RIOX1: variants seen among roughly 807,000 people sequenced by gnomAD.
RIOX1 encodes ribosomal oxygenase 1.
Under a neutral mutation model 44.6 loss-of-function variants are expected in RIOX1, and 33 were observed. The ratio of observed to expected loss-of-function variants is 0.74; its 90% CI spans 0.56 to 0.99. The LOEUF (loss-of-function observed/expected upper bound fraction) is 0.99, where lower values mean the gene tolerates loss of function less well. RIOX1 is among the 50% of genes least tolerant of loss of function. The pLI, the probability that RIOX1 is intolerant of heterozygous loss-of-function variation, is 0.00. For synonymous variants in RIOX1, 387 were observed against 395.8 expected, an observed-to-expected ratio of 0.98 and a Z score of 0.26; for missense variants, 821 against 871.7, an observed-to-expected ratio of 0.94 and a Z score of 0.73.
At position 73,492,995 on chromosome 14, in the gene RIOX1, C is replaced by G; in HGVS notation, c.*52C>G. The G allele has an allele frequency of 6.6e-7, 1 of 1,516,088 alleles. No individual in the cohort carries two copies. Among genetic ancestry groups the G allele is most frequent in the Non-Finnish European group, 8.8e-7 (1 of 1,139,234 alleles). The allele number at this position is 1,516,088 out of a possible 1,614,324, so 93.9% of individuals were successfully genotyped here. Reference sequence around the variant, plus strand: ...CAGTAGTGATTCTCCGCTGCCACTGCTACCTTTTTTTTTTTTTTTTCCTTA... The same window carrying G: ...CAGTAGTGATTCTCCGCTGCCACTGGTACCTTTTTTTTTTTTTTTTCCTTA... On this transcript the variant is annotated 3_prime_UTR_variant, in exon 1 of 1. Coordinates refer to ENST00000304061, the MANE Select transcript of RIOX1 (RefSeq NM_024644.5). This position sits in a 1 kb window ranked among gnomAD's most constrained non-coding sequence, Gnocchi z 4.9.
At position 73,492,521 on chromosome 14, in the gene RIOX1, G is replaced by A; in HGVS notation, c.1504G>A (p.Ala502Thr). Residue 502 changes from alanine (A) to threonine (T), a missense_variant, in exon 1 of 1, where the codon GCC becomes ACC. Physicochemically the swap from Ala to Thr is moderately conservative, Grantham distance 58. Transcript: ENST00000304061. The surrounding 1 kb of genome is among the most constrained non-coding windows in gnomAD (Gnocchi z 4.9). ...APVDAVADQR[A>T]KDFIHDSLPP... ...TGTTGATGCTGTGGCCGACCAGCGAGCCAAAGACTTCATTCACGATTCTCT... is the reference window on the plus strand; with the variant it reads ...TGTTGATGCTGTGGCCGACCAGCGAACCAAAGACTTCATTCACGATTCTCT... The A allele has an allele frequency of 6.2e-7, 1 of 1,613,676 alleles. No homozygotes were observed. The highest frequency in any genetic ancestry group is 8.5e-7 in the Non-Finnish European group (1 of 1,179,764).
Position 73,493,345 on chromosome 14 carries a change from G to C in RIOX1, c.*402G>C. On this transcript the variant is annotated 3_prime_UTR_variant, in exon 1 of 1. Coordinates refer to ENST00000304061, the MANE Select transcript of RIOX1 (RefSeq NM_024644.5). ...CGGGGTCAGTATCCTGTTTGTTATT[G>C]TTAAATTTGTATGAACCTTAGAAAA... 3 of 498,008 alleles carry C rather than the reference G, an allele frequency of 6.0e-6. No homozygotes were observed. The South Asian group carries it at 1.0e-4, about 17-fold the overall frequency. 30.8% of individuals were successfully genotyped at this position (498,008 alleles called of 1,614,324 possible).
chr14:73,492,693 T>C lies in RIOX1; in HGVS notation c.1676T>C (p.Val559Ala), dbSNP rs764651514. The part of the protein sequence containing the change: ...HMLQDGIARL[V>A]GEGGHLFLYY... The stretch of plus-strand genomic sequence containing the variant: ...CTTCAGGATGGGATAGCTCGGCTGG[T>C]GGGTGAGGGGGGCCATTTGTTTCTC... Residue 559 changes from valine (V) to alanine (A), a missense_variant, in exon 1 of 1, where the codon GTG (valine) becomes GCG (alanine). Physicochemically the swap from Val to Ala is moderately conservative, Grantham distance 64. This residue lies in a region of RIOX1 where 267 missense variants were observed against 340.5 expected (regional missense o/e 0.78). Transcript: ENST00000304061. This position sits in a 1 kb window ranked among gnomAD's most constrained non-coding sequence, Gnocchi z 4.9. The C allele has an allele frequency of 6.2e-7, 1 of 1,613,662 alleles. No individual in the cohort carries two copies. The highest frequency in any genetic ancestry group is 8.5e-7 in the Non-Finnish European group (1 of 1,179,874).
rs1048831716 is a variant in RIOX1 at position 73,492,122 on chromosome 14, C to G, written c.1105C>G (p.Leu369Val). 6.2e-7 allele frequency: 1 copy of G among 1,613,966 alleles called. No homozygotes were observed. The highest frequency in any genetic ancestry group is 1.7e-5 in the Admixed American group (1 of 60,010). The change falls in exon 1 of 1, where the codon CTG becomes GTG. Residue 369 changes from leucine (L) to valine (V), a missense_variant. Transcript: ENST00000304061. The surrounding 1 kb of genome is among the most constrained non-coding windows in gnomAD (Gnocchi z 4.9). ...VYRPRVPTEE[L>V]ALTSSPNFSQ... ...CCGACCCCGAGTCCCAACCGAGGAA[C>G]TGGCTCTGACATCCAGCCCCAACTT...
In RIOX1 at chr14:73,492,596, C is replaced by T. The variant is rs1450062332; in HGVS notation, c.1579C>T (p.Pro527Ser). The change falls in exon 1 of 1, where the codon CCA (proline) becomes TCA (serine). Residue 527 changes from proline to serine, a missense_variant. By Grantham distance (74) the Pro-to-Ser change is moderately conservative. Coordinates refer to ENST00000304061, the MANE Select transcript of RIOX1 (RefSeq NM_024644.5). This position sits in a 1 kb window ranked among gnomAD's most constrained non-coding sequence, Gnocchi z 4.9. ...RERALSVYGL[P>S]IRWEAGEPVN... is the part of the protein sequence containing the mutation. ...GAGGGCACTAAGTGTTTACGGGCTT[C>T]CAATTCGCTGGGAGGCTGGAGAACC... 1 of 1,613,774 alleles carries T rather than the reference C, an allele frequency of 6.2e-7. No individual in the cohort carries two copies. Among genetic ancestry groups the T allele is most frequent in the African/African-American group, 1.3e-5 (1 of 74,892 alleles).
At position 73,490,993 on chromosome 14, in the gene RIOX1, C is replaced by G. The variant is rs759687004; in HGVS notation, c.-25C>G. ...TTAGCTTCGCCCCCGGCCGGCCGGG[C>G]GGGGAAGACTGGTGTGGTCTGGCCA... On this transcript the variant is annotated 5_prime_UTR_variant, in exon 1 of 1. Transcript: ENST00000304061. 35 of 1,348,052 alleles carry G rather than the reference C, an allele frequency of 2.6e-5. No homozygotes were observed. In the African/African-American group the frequency reaches 4.7e-4, roughly 18 times the overall value. The allele number at this position is 1,348,052 out of a possible 1,614,324, so 83.5% of individuals were successfully genotyped here.
rs752379440 is a variant in RIOX1, at chr14:73,491,065, G to A, written c.48G>A (p.Pro16=). Residue 16 remains proline, a synonymous_variant, in exon 1 of 1, where the codon CCG becomes CCA. Transcript: ENST00000304061. ...CAGGGCCGTTGAGGCGCGGGCGGCC[G>A]AAGCGCCGGCGCAAGCCCCAGCCAC... ...ASAGPLRRGR[P]KRRRKPQPHS... is the part of the protein sequence containing the mutation. 7.5e-6 allele frequency: 12 copies of A among 1,593,898 alleles called. No homozygotes were observed. The highest frequency in any genetic ancestry group is 1.4e-5 in the African/African-American group (1 of 73,596).
rs1404916402 is a variant in RIOX1, at chr14:73,492,032, C to G, written c.1015C>G (p.Pro339Ala). The G allele has an allele frequency of 3.7e-6, 6 of 1,613,882 alleles. No homozygotes were observed. The highest frequency in any genetic ancestry group is 5.1e-6 in the Non-Finnish European group (6 of 1,179,898). The change falls in exon 1 of 1, where the codon CCC (proline) becomes GCC (alanine). Residue 339 changes from proline to alanine, a missense_variant. By Grantham distance (27) the Pro-to-Ala change is conservative. Around this residue, in one of 2 missense-constraint regions of RIOX1, gnomAD observed 554 missense variants for 531.2 expected, o/e 1.04. Coordinates refer to ENST00000304061, the MANE Select transcript of RIOX1 (RefSeq NM_024644.5). This position sits in a 1 kb window ranked among gnomAD's most constrained non-coding sequence, Gnocchi z 4.9. ...GCCCCCTAACTCGCAGGGCTTTGCC[C>G]CCCACTACGACGACATCGAGGCCTT... ...LTPPNSQGFA[P>A]HYDDIEAFVL... is the part of the protein sequence containing the mutation.
chr14:73,491,108 G>A lies in RIOX1; in HGVS notation c.91G>A (p.Ala31Thr). ...CCAGCCACACAGCGGGTCGGTCCTG[G>A]CCCTGCCCTTGAGGTCCAGGAAGAT... Reference protein sequence around the residue: ...KPQPHSGSVLALPLRSRKIRK... With the variant: ...KPQPHSGSVLTLPLRSRKIRK... The change falls in exon 1 of 1, where the codon GCC becomes ACC. Residue 31 changes from alanine to threonine, a missense_variant. Ala to Thr is a moderately conservative substitution (Grantham distance 58, BLOSUM62 0). This residue lies in a region of RIOX1 where 554 missense variants were observed against 531.2 expected (regional missense o/e 1.04). Coordinates refer to ENST00000304061, the MANE Select transcript of RIOX1 (RefSeq NM_024644.5). 1 of 1,606,690 alleles carries A rather than the reference G, an allele frequency of 6.2e-7. No homozygotes were observed.
At position 73,491,679 on chromosome 14, in the gene RIOX1, G is replaced by A. The variant is rs1278932990; in HGVS notation, c.662G>A (p.Arg221His). 6.5e-7 allele frequency: 1 copy of A among 1,549,610 alleles called. No individual in the cohort carries two copies. The highest frequency in any genetic ancestry group is 2.0e-5 in the Admixed American group (1 of 50,992). The change falls in exon 1 of 1, where the codon CGC (arginine) becomes CAC (histidine). Residue 221 changes from arginine (R) to histidine (H), a missense_variant. Arg to His is a conservative substitution (Grantham distance 29, BLOSUM62 0). Transcript: ENST00000304061. ...APMPPDHFYR[R>H]LWEREAVLVR... ...ATGCCGCCAGATCACTTTTACCGGC[G>A]CCTATGGGAGCGCGAGGCGGTGCTG... is the stretch of plus-strand genomic sequence containing the variant.
chr14:73,492,699 AG>A lies in RIOX1; in HGVS notation c.1688del (p.Gly563AlafsTer44), dbSNP rs1566821256. On this transcript the variant is annotated frameshift_variant, in exon 1 of 1. Coordinates refer to ENST00000304061, the MANE Select transcript of RIOX1 (RefSeq NM_024644.5). LOFTEE classifies it high-confidence loss of function. The surrounding 1 kb of genome is among the most constrained non-coding windows in gnomAD (Gnocchi z 4.9). The stretch of plus-strand genomic sequence containing the variant: ...GATGGGATAGCTCGGCTGGTGGGTG[AG>A]GGGGGCCATTTGTTTCTCTATTACA... ...LQDGIARLVG[E>X]GGHLFLYYTV... 6.2e-7 allele frequency: 1 copy of A among 1,613,944 alleles called. No individual in the cohort carries two copies. The highest frequency in any genetic ancestry group is 8.5e-7 in the Non-Finnish European group (1 of 1,179,876).
rs763467884 is a variant in RIOX1 at position 73,492,203 on chromosome 14, T to G, written c.1186T>G (p.Leu396Val). The part of the protein sequence containing the change: ...VLQTVLEPGD[L>V]LYFPRGFIHQ... ...GCAGACCGTGCTGGAACCTGGAGAT[T>G]TGCTGTATTTTCCTCGGGGCTTCAT... The change falls in exon 1 of 1, where the codon TTG becomes GTG. Residue 396 changes from leucine (L) to valine (V), a missense_variant. By Grantham distance (32) the Leu-to-Val change is conservative. This residue lies in a region of RIOX1 where 267 missense variants were observed against 340.5 expected (regional missense o/e 0.78). Transcript: ENST00000304061. The surrounding 1 kb of genome is among the most constrained non-coding windows in gnomAD (Gnocchi z 4.9). 7 of 1,613,922 alleles carry G rather than the reference T, an allele frequency of 4.3e-6. No individual in the cohort carries two copies. Among genetic ancestry groups the G allele is most frequent in the Non-Finnish European group, 5.1e-6 (6 of 1,179,858 alleles).
Position 73,492,804 on chromosome 14 carries a change from A to G in RIOX1, c.1787A>G (p.Glu596Gly), listed in dbSNP as rs1207118493. The G allele has an allele frequency of 6.2e-7, 1 of 1,613,920 alleles. No homozygotes were observed. Among genetic ancestry groups the G allele is most frequent in the South Asian group, 1.1e-5 (1 of 91,080 alleles). The stretch of plus-strand genomic sequence containing the variant: ...TACCCCCAGCAAGCTGATGCCATGG[A>G]ACTGTTGCTTGGTTCTTATCCAGAG... ...EIYPQQADAM[E>G]LLLGSYPEFV... Residue 596 changes from glutamate (E) to glycine (G), a missense_variant, in exon 1 of 1, where the codon GAA becomes GGA. Glu to Gly is a moderately conservative substitution (Grantham distance 98). Around this residue, in one of 2 missense-constraint regions of RIOX1, gnomAD observed 267 missense variants for 340.5 expected, o/e 0.78. Transcript: ENST00000304061. The surrounding 1 kb of genome is among the most constrained non-coding windows in gnomAD (Gnocchi z 4.9).
rs767165747 is a variant in RIOX1 at position 73,492,210 on chromosome 14, A to G, written c.1193A>G (p.Tyr398Cys). 4 of 1,613,806 alleles carry G rather than the reference A, an allele frequency of 2.5e-6. No individual in the cohort carries two copies. Among genetic ancestry groups the G allele is most frequent in the Non-Finnish European group, 3.4e-6 (4 of 1,179,854 alleles). The change falls in exon 1 of 1, where the codon TAT becomes TGT. Residue 398 changes from tyrosine (Y) to cysteine (C), a missense_variant. Transcript: ENST00000304061. This position sits in a 1 kb window ranked among gnomAD's most constrained non-coding sequence, Gnocchi z 4.9. ...GTGCTGGAACCTGGAGATTTGCTGT[A>G]TTTTCCTCGGGGCTTCATTCACCAA... Reference protein sequence around the residue: ...QTVLEPGDLLYFPRGFIHQAE... With the variant: ...QTVLEPGDLLCFPRGFIHQAE...
chr14:73,493,208 C>A lies in RIOX1; in HGVS notation c.*265C>A. The A allele has an allele frequency of 9.4e-7, 1 of 1,061,980 alleles. No homozygotes were observed. The highest frequency in any genetic ancestry group is 1.3e-5 in the South Asian group (1 of 77,276). 65.8% of individuals were successfully genotyped at this position (1,061,980 alleles called of 1,614,324 possible). On this transcript the variant is annotated 3_prime_UTR_variant, in exon 1 of 1. Transcript: ENST00000304061. Reference sequence around the variant, plus strand: ...CATTTCAGAGCACCAACTTCATCACCTTCAGGCTTCAGTGTACTGGGTAAC... The same window carrying A: ...CATTTCAGAGCACCAACTTCATCACATTCAGGCTTCAGTGTACTGGGTAAC...
rs964764670 is a variant in RIOX1, at chr14:73,491,351, G to T, written c.334G>T (p.Ala112Ser). 3.5e-6 allele frequency: 5 copies of T among 1,435,160 alleles called. No individual in the cohort carries two copies. Among genetic ancestry groups the T allele is most frequent in the Non-Finnish European group, 4.6e-6 (5 of 1,096,838 alleles). 88.9% of individuals were successfully genotyped at this position (1,435,160 alleles called of 1,614,324 possible). A position where few individuals can be genotyped will look rare whatever the true frequency, so the allele number is the denominator to read the frequency against. Reference sequence around the variant, plus strand: ...AGAGCTGCTGGAGGCCTCGCCCGCCGCGCGCTCCCTGCAGACCCCGTCGGC... The same window carrying T: ...AGAGCTGCTGGAGGCCTCGCCCGCCTCGCGCTCCCTGCAGACCCCGTCGGC... Reference protein sequence around the residue: ...PAELLEASPAARSLQTPSARL... With the variant: ...PAELLEASPASRSLQTPSARL... The change falls in exon 1 of 1, where the codon GCG (alanine) becomes TCG (serine). Residue 112 changes from alanine (A) to serine (S), a missense_variant. Around this residue, in one of 2 missense-constraint regions of RIOX1, gnomAD observed 554 missense variants for 531.2 expected, o/e 1.04. Transcript: ENST00000304061.
rs948771223 is a variant in RIOX1 at position 73,491,431 on chromosome 14, G to T, written c.414G>T (p.Ala138=). The part of the protein sequence containing the change: ...PPARLVEVPA[A]PVRVVETSAL... ...CGCGCCTGGTGGAGGTGCCCGCCGC[G>T]CCGGTCCGGGTGGTGGAGACCTCGG... Residue 138 remains alanine (A), a synonymous_variant, in exon 1 of 1, where the codon GCG becomes GCT. Transcript: ENST00000304061. 2.2e-6 allele frequency: 3 copies of T among 1,349,478 alleles called. No individual in the cohort carries two copies. The highest frequency in any genetic ancestry group is 2.8e-6 in the Non-Finnish European group (3 of 1,060,812). The allele number at this position is 1,349,478 out of a possible 1,614,324, so 83.6% of individuals were successfully genotyped here.
Position 73,491,370 on chromosome 14 carries a change from C to G in RIOX1, c.353C>G (p.Pro118Arg), listed in dbSNP as rs1885720672. 1.4e-5 allele frequency: 19 copies of G among 1,364,572 alleles called. No homozygotes were observed. The highest frequency in any genetic ancestry group is 1.8e-5 in the South Asian group (1 of 54,722). 84.5% of individuals were successfully genotyped at this position (1,364,572 alleles called of 1,614,324 possible). Residue 118 changes from proline (P) to arginine (R), a missense_variant, in exon 1 of 1, where the codon CCG (proline) becomes CGG (arginine). By Grantham distance (103) the Pro-to-Arg change is moderately radical. Coordinates refer to ENST00000304061, the MANE Select transcript of RIOX1 (RefSeq NM_024644.5). ...CCCGCCGCGCGCTCCCTGCAGACCC[C>G]GTCGGCGCGCCTGGTGCCCGCTTCC... The part of the protein sequence containing the change: ...ASPAARSLQT[P>R]SARLVPASAP...
chr14:73,491,745 C>G lies in RIOX1; in HGVS notation c.728C>G (p.Ser243Cys). 4 of 1,556,544 alleles carry G rather than the reference C, an allele frequency of 2.6e-6. No homozygotes were observed. Among genetic ancestry groups the G allele is most frequent in the South Asian group, 2.4e-5 (2 of 84,802 alleles). Residue 243 changes from serine (S) to cysteine (C), a missense_variant, in exon 1 of 1, where the codon TCT (serine) becomes TGT (cysteine). Ser to Cys is a moderately radical substitution (Grantham distance 112). Transcript: ENST00000304061. ...QDHTYYQGLF[S>C]TADLDSMLRN... ...CACACCTACTACCAGGGACTTTTCT[C>G]TACCGCTGACCTGGATTCGATGCTG...
Sources: allele counts gnomAD v4.1 joint callset, GRCh38; gene constraint gnomAD v4.1.1; regional missense constraint gnomAD v4.1.1; non-coding constraint Gnocchi (gnomAD v3.1); transcripts MANE v1.5; gene names NCBI Gene and HGNC (gene_info 2026-07-23, HGNC 2026-07-21).